Variants in AFF4 observed in about 807,000 individuals in gnomAD.
AFF4 encodes ALF transcription elongation factor 4.
In AFF4, 13 loss-of-function variants were observed where a neutral mutation model predicts 124.8. The observed-to-expected ratio is 0.10, with a 90% confidence interval of 0.07 to 0.17. The LOEUF is 0.17. AFF4 is among the 10% of genes least tolerant of loss of function. The pLI is 1.00. For missense variants in AFF4, 1,092 were observed against 1,403.8 expected, an observed-to-expected ratio of 0.78 and a Z score of 3.55; for synonymous variants, 477 against 496.1, an observed-to-expected ratio of 0.96 and a Z score of 0.51.
At chr5:132,910,630 T>A (rs183246879) in intron 5 of AFF4, among the ~76,000 whole-genome samples, 2 of 152,074 alleles carry the variant, frequency 1.3e-5, no homozygotes, top group Non-Finnish European at 2.9e-5. Flanking sequence ...AGATAAGCTA[T>A]CGGTAAGAAG....
chr5:132,897,126 A>G lies in AFF4; in HGVS notation c.1504T>C (p.Tyr502His). Residue 502 changes from tyrosine to histidine, a missense_variant, in exon 11 of 21, where the codon TAC becomes CAC. Transcript: ENST00000265343. Reference protein sequence around the residue: ...VDSNIPSSQGYKKEGREQGTG... With the variant: ...VDSNIPSSQGHKKEGREQGTG... ...CCCTGCTCTCGGCCTTCCTTTTTGTAGCCTTGAGATGATGGGATGTTACTG... is the reference window on the plus strand; with the variant it reads ...CCCTGCTCTCGGCCTTCCTTTTTGTGGCCTTGAGATGATGGGATGTTACTG... 6.2e-7 allele frequency: 1 copy of G among 1,614,020 alleles called. No homozygotes were observed. Among genetic ancestry groups the G allele is most frequent in the Non-Finnish European group, 8.5e-7 (1 of 1,180,002 alleles).
intron 4 of AFF4, among the ~76,000 whole-genome samples, chr5:132,930,594 G>C (rs1338543550): frequency 6.6e-6 from 1 of 151,622 alleles, no homozygotes; most frequent in Non-Finnish European, 1.5e-5. Flanking sequence ...AATGCAGGTA[G>C]TCTTTCAAAG....
chr5:132,889,080 T>C lies in AFF4; in HGVS notation c.2731A>G (p.Arg911Gly), dbSNP rs766317753. The C allele has an allele frequency of 6.2e-7, 1 of 1,609,182 alleles. No individual in the cohort carries two copies. The highest frequency in any genetic ancestry group is 8.5e-7 in the Non-Finnish European group (1 of 1,175,544). The change falls in exon 14 of 21, where the codon AGA becomes GGA. Residue 911 changes from arginine (R) to glycine (G), a missense_variant and splice_region_variant. Physicochemically the swap from Arg to Gly is moderately radical, Grantham distance 125. Coordinates refer to ENST00000265343, the MANE Select transcript of AFF4 (RefSeq NM_014423.4). ...PRRTKLVFDDRNYSADHYLQE... is the reference protein window; with the variant it reads ...PRRTKLVFDDGNYSADHYLQE... ...ATACAAAAAATCATATTATCTCACC[T>C]GTCATCAAAGACAAGCTTTGTTCTC...
At chr5:132,904,538 G>C in intron 5 of AFF4, 134 bp from the exon 6 acceptor site, 1 of 757,820 alleles carries the variant, frequency 1.3e-6, no homozygotes, top group East Asian at 2.8e-5. Context: ...TGTCTGATCA[G>C]CCTTGGCAAT....
chr5:132,949,706 G>A (rs538065045), intron 1 of AFF4, among the ~76,000 whole-genome samples: 2,867 of 151,076 alleles, frequency 0.019, 66 homozygotes, highest in African/African-American at 0.051. Context: ...ACACACGCGC[G>A]CGCGCGCGCG....
intron 4 of AFF4, among the ~76,000 whole-genome samples, chr5:132,928,852 C>T (rs1761239398): frequency 6.6e-6 from 1 of 152,116 alleles, no homozygotes; most frequent in Admixed American, 6.6e-5. Flanking sequence ...CTTAAAACAG[C>T]CACCTGCACA....
Position 132,927,126 on chromosome 5 carries a change from T to C in AFF4, c.1045A>G (p.Thr349Ala). 6.2e-7 allele frequency: 1 copy of C among 1,612,082 alleles called. No individual in the cohort carries two copies. The highest frequency in any genetic ancestry group is 1.3e-5 in the African/African-American group (1 of 74,966). The change falls in exon 5 of 21, where the codon ACT becomes GCT. Residue 349 changes from threonine (T) to alanine (A), a missense_variant. Around this residue, in one of 11 missense-constraint regions of AFF4, gnomAD observed 148 missense variants for 196.3 expected, o/e 0.75. Coordinates refer to ENST00000265343, the MANE Select transcript of AFF4 (RefSeq NM_014423.4). ...KTEPSKFPFP[T>A]KESQQSNFGT... ...GATACATTTTATTTACTTACCTTAG[T>C]TGGAAAAGGAAATTTGGAAGGTTCT...
At chr5:132,891,585 C>A (rs1760258097) in intron 13 of AFF4, among the ~76,000 whole-genome samples, 1 of 152,154 alleles carries the variant, frequency 6.6e-6, no homozygotes, top group Non-Finnish European at 1.5e-5. Context: ...AATTTCAGTG[C>A]TAACTTAGCT....
chr5:132,889,481 C>T (rs955227284), intron 13 of AFF4, among the ~76,000 whole-genome samples: 29 of 152,294 alleles, frequency 1.9e-4, no homozygotes, highest in African/African-American at 7.0e-4. Context: ...GCACTACTTA[C>T]GGCAACATTT....
At chr5:132,888,255 AAGCAAAGAAAATG>A in intron 14 of AFF4, 95 bp from the exon 15 acceptor site, 1 of 870,136 alleles carries the variant, frequency 1.1e-6, no homozygotes, top group Non-Finnish European at 1.7e-6. Context: ...TTATGTCCTC[AAGCAAAGAAAATG>A]AGCTGTTACT....
chr5:132,944,955 T>G (rs1401006276), intron 1 of AFF4: 1 of 144,114 alleles, frequency 6.9e-6, no homozygotes, highest in Admixed American at 6.9e-5. Flanking sequence ...GAAAAAAAAA[T>G]TTTTTTTAAT....
chr5:132,884,847 C>CA (rs745609962), intron 19 of AFF4, among the ~76,000 whole-genome samples: 1 of 152,110 alleles, frequency 6.6e-6, no homozygotes, highest in Non-Finnish European at 1.5e-5. Flanking sequence ...AGTAAAAACT[C>CA]AGATTTCTTA....
chr5:132,902,901 T>C (rs568631857), intron 6 of AFF4, among the ~76,000 whole-genome samples: 1 of 152,342 alleles, frequency 6.6e-6, no homozygotes, highest in African/African-American at 2.4e-5. Flanking sequence ...TGTCCATCGA[T>C]AGGGGACTAG....
At chr5:132,963,101 G>C (rs532554510) in intron 1 of AFF4, among the ~76,000 whole-genome samples, 158 bp downstream of exon 1, 1 of 152,254 alleles carries the variant, frequency 6.6e-6, no homozygotes, top group South Asian at 2.1e-4. Context: ...GGTGGGACGC[G>C]CAGATGAGAG....
chr5:132,913,914 C>A (rs1381791649), intron 5 of AFF4, among the ~76,000 whole-genome samples: 1 of 152,102 alleles, frequency 6.6e-6, no homozygotes, highest in Non-Finnish European at 1.5e-5. Flanking sequence ...GGAACCAACA[C>A]AGTTAGATAT....
chr5:132,892,733 T>A (rs1760294751), intron 12 of AFF4, among the ~76,000 whole-genome samples: 1 of 152,102 alleles, frequency 6.6e-6, no homozygotes, highest in African/African-American at 2.4e-5. Flanking sequence ...CTCTTGGAAA[T>A]TACAGATAAG....
rs1759968153 is a variant in AFF4, at chr5:132,881,172, G to T, written c.3379C>A (p.Leu1127Met). ...ATGAGAGGGCCCATTACTTTATCCA[G>T]TTCAGCAAAGAATTCTAGAAAACCA... ...SKEQKEFFAE[L>M]DKVMGPLIFN... is the part of the protein sequence containing the mutation. Residue 1127 changes from leucine to methionine, a missense_variant, in exon 21 of 21, where the codon CTG becomes ATG. Around this residue, in one of 11 missense-constraint regions of AFF4, gnomAD observed 173 missense variants for 294.9 expected, o/e 0.59. Coordinates refer to ENST00000265343, the MANE Select transcript of AFF4 (RefSeq NM_014423.4). 3 of 1,613,790 alleles carry T rather than the reference G, an allele frequency of 1.9e-6. No individual in the cohort carries two copies. The highest frequency in any genetic ancestry group is 2.5e-6 in the Non-Finnish European group (3 of 1,179,880).
chr5:132,915,375 T>C (rs1169989737), intron 5 of AFF4, among the ~76,000 whole-genome samples: 1 of 151,802 alleles, frequency 6.6e-6, no homozygotes, highest in Non-Finnish European at 1.5e-5. Flanking sequence ...ACCATTTCTA[T>C]ACACACTATT....
intron 13 of AFF4, 110 bp from the exon 14 acceptor site, chr5:132,889,283 C>A: frequency 4.5e-6 from 3 of 670,912 alleles, no homozygotes; most frequent in Admixed American, 2.9e-5. Flanking sequence ...CATTGCCTTT[C>A]ATAATGAATT....
Sources: allele counts gnomAD v4.1 joint callset (sites outside exome capture counted in the v4.1 genomes callset), GRCh38; gene constraint gnomAD v4.1.1; regional missense constraint gnomAD v4.1.1; transcripts MANE v1.5; gene names NCBI Gene and HGNC (gene_info 2026-07-23, HGNC 2026-07-21).